Variants in HS3ST3B1 observed in about 807,000 individuals in gnomAD.
The protein encoded by HS3ST3B1 is heparan sulfate-glucosamine 3-sulfotransferase 3B1, also known as heparan sulfate glucosamine 3-O-sulfotransferase 3B1.
In HS3ST3B1, 13 loss-of-function variants were observed where a neutral mutation model predicts 21.3. The ratio of observed to expected loss-of-function variants is 0.61; its 90% CI spans 0.40 to 0.97. The LOEUF (loss-of-function observed/expected upper bound fraction) is 0.97. Among genes scored for constraint, HS3ST3B1 ranks in the 50% least tolerant of loss-of-function variants. HS3ST3B1 has a pLI of 0.00. For missense variants in HS3ST3B1, 459 were observed against 554.8 expected, an observed-to-expected ratio of 0.83 and a Z score of 1.73; for synonymous variants, 234 against 254.8, an observed-to-expected ratio of 0.92 and a Z score of 0.78.
At chr17:14,307,385 TG>T (rs547445805) in intron 1 of HS3ST3B1, among the ~76,000 whole-genome samples, 11 of 151,700 alleles carry the variant, frequency 7.3e-5, no homozygotes, top group African/African-American at 2.7e-4. Context: ...ACAGCTTCTG[TG>T]TTTCTAGTTT....
Position 14,301,639 on chromosome 17 carries a change from T to C in HS3ST3B1, c.121T>C (p.Cys41Arg), listed in dbSNP as rs1908929096. ...GCTCGCGCTGCTCTTCGCCATGCTCTGCGTCTGGCTCTATATGTTCCTGTA... is the reference window on the plus strand; with the variant it reads ...GCTCGCGCTGCTCTTCGCCATGCTCCGCGTCTGGCTCTATATGTTCCTGTA... The part of the protein sequence containing the change: ...RKLALLFAML[C>R]VWLYMFLYSC... The change falls in exon 1 of 2, where the codon TGC becomes CGC. Residue 41 changes from cysteine (C) to arginine (R), a missense_variant. Physicochemically the swap from Cys to Arg is radical, Grantham distance 180 (BLOSUM62 -3). Around this residue, in one of 3 missense-constraint regions of HS3ST3B1, gnomAD observed 317 missense variants for 278.6 expected, o/e 1.14. Transcript: ENST00000360954. The C allele has an allele frequency of 6.2e-7, 1 of 1,607,928 alleles. No individual in the cohort carries two copies. The highest frequency in any genetic ancestry group is 8.5e-7 in the Non-Finnish European group (1 of 1,178,766).
intron 1 of HS3ST3B1, 101 bp from the exon 2 acceptor site, chr17:14,344,927 C>G: frequency 6.8e-7 from 1 of 1,471,016 alleles, no homozygotes; most frequent in East Asian, 2.4e-5. Flanking sequence ...ACCACTGCTT[C>G]CAGAAATAAG....
chr17:14,329,902 G>A (rs1176927904), intron 1 of HS3ST3B1, among the ~76,000 whole-genome samples: 1 of 152,226 alleles, frequency 6.6e-6, no homozygotes, highest in African/African-American at 2.4e-5. Flanking sequence ...GGCACAAGTG[G>A]GATTCATCCC....
chr17:14,340,387 C>G (rs937957132), intron 1 of HS3ST3B1, among the ~76,000 whole-genome samples: 4 of 151,966 alleles, frequency 2.6e-5, no homozygotes, highest in East Asian at 3.9e-4. Flanking sequence ...CATGGCGCCT[C>G]GTAGTAAGTT....
intron 1 of HS3ST3B1, among the ~76,000 whole-genome samples, chr17:14,326,208 G>A (rs1439521917): frequency 1.3e-5 from 2 of 152,222 alleles, no homozygotes; most frequent in African/African-American, 2.4e-5. Flanking sequence ...ATCCACTGGA[G>A]AAACCACAGG....
intron 1 of HS3ST3B1, among the ~76,000 whole-genome samples, chr17:14,334,396 CA>C (rs1480194822): frequency 6.6e-6 from 1 of 151,790 alleles, no homozygotes; most frequent in Non-Finnish European, 1.5e-5. Context: ...GGCTGTAGTG[CA>C]GTGAATGTTC....
intron 1 of HS3ST3B1, among the ~76,000 whole-genome samples, chr17:14,340,096 C>T (rs1462337122): frequency 2.6e-5 from 4 of 152,184 alleles, no homozygotes; most frequent in Non-Finnish European, 5.9e-5. Context: ...TCACACACTT[C>T]TCAGGCCTGC....
At chr17:14,302,769 G>A (rs2142319920) in intron 1 of HS3ST3B1, among the ~76,000 whole-genome samples, 1 of 152,266 alleles carries the variant, frequency 6.6e-6, no homozygotes, top group East Asian at 1.9e-4. Flanking sequence ...CAACCGGCTG[G>A]AGCGGCGCGA....
intron 1 of HS3ST3B1, among the ~76,000 whole-genome samples, chr17:14,343,807 T>G (rs531789585): frequency 9.2e-5 from 14 of 152,336 alleles, no homozygotes; most frequent in African/African-American, 3.4e-4. Context: ...AATAGGAAAA[T>G]GCAGATATCT....
rs1909035265 is a variant in HS3ST3B1, at chr17:14,303,932, A to C, written c.554+1860A>C. 2 of 152,240 alleles carry C rather than the reference A, an allele frequency of 1.3e-5. No individual in the cohort carries two copies. Among genetic ancestry groups the C allele is most frequent in the African/African-American group, 2.4e-5 (1 of 41,452 alleles). The allele number at this position is 152,240 out of a possible 1,614,324, so 9.4% of individuals were successfully genotyped here. On this transcript the variant is annotated intron_variant, in intron 1 of 1. Coordinates refer to ENST00000360954, the MANE Select transcript of HS3ST3B1 (RefSeq NM_006041.3). This position sits in a 1 kb window ranked among gnomAD's most constrained non-coding sequence, Gnocchi z 5.7. The stretch of plus-strand genomic sequence containing the variant: ...GAACCCTTAATGTCAGGCGGTTTTG[A>C]AGCACCTGGGGCAAGCTATGGAAAT...
intron 1 of HS3ST3B1, among the ~76,000 whole-genome samples, chr17:14,322,838 C>T (rs1909698014): frequency 6.6e-6 from 1 of 152,132 alleles, no homozygotes; most frequent in African/African-American, 2.4e-5. Context: ...AATCTGGGCC[C>T]ACAGTTGCTC....
At chr17:14,337,512 AT>A (rs1910223837) in intron 1 of HS3ST3B1, among the ~76,000 whole-genome samples, 1 of 103,904 alleles carries the variant, frequency 9.6e-6, no homozygotes, top group Non-Finnish European at 2.1e-5. Flanking sequence ...TTTTTTTTGT[AT>A]TTTTAGTAGA....
chr17:14,313,113 T>TATATATATATAC (rs1555548211), intron 1 of HS3ST3B1, among the ~76,000 whole-genome samples: 12,332 of 123,052 alleles, frequency 0.1, 477 homozygotes, highest in East Asian at 0.22. Context: ...TGTGTGTATA[T>TATATATATATAC]ATATATATAT....
chr17:14,328,447 T>G (rs186533980), intron 1 of HS3ST3B1: 258 of 152,320 alleles, frequency 1.7e-3, no homozygotes, highest in African/African-American at 5.5e-3. Flanking sequence ...AGAATTCCAA[T>G]AAATCCACAA....
At chr17:14,318,645 G>A (rs1597591781) in intron 1 of HS3ST3B1, among the ~76,000 whole-genome samples, 1 of 152,200 alleles carries the variant, frequency 6.6e-6, no homozygotes, top group Non-Finnish European at 1.5e-5. Context: ...AGAGAAGAGA[G>A]GCTGAGAGGT....
chr17:14,338,587 T>A (rs750822023), intron 1 of HS3ST3B1, among the ~76,000 whole-genome samples: 1 of 151,592 alleles, frequency 6.6e-6, no homozygotes, highest in Non-Finnish European at 1.5e-5. Flanking sequence ...AGATTACAGG[T>A]GTGTGCCACT....
chr17:14,345,861 A>C lies in HS3ST3B1; in HGVS notation c.*215A>C. 1 of 550,700 alleles carries C rather than the reference A, an allele frequency of 1.8e-6. No homozygotes were observed. The highest frequency in any genetic ancestry group is 3.0e-6 in the Non-Finnish European group (1 of 332,488). 34.1% of individuals were successfully genotyped at this position (550,700 alleles called of 1,614,324 possible). On this transcript the variant is annotated 3_prime_UTR_variant, in exon 2 of 2. Transcript: ENST00000360954. ...TCTAGTATTTCGTTCTCTTCTTCAC[A>C]ATTGATGGTGCTTCTATTTTTTCTT...
In HS3ST3B1 at chr17:14,335,028, G is replaced by T. The variant is rs145283117; in HGVS notation, c.555-10000G>T. Among the ~76,000 whole-genome samples, 37 of 152,292 alleles carry T rather than the reference G, an allele frequency of 2.4e-4. No homozygotes were observed. In the East Asian group the frequency reaches 7.1e-3, roughly 29 times the overall value. ...CATTTTTGATTTGTGAATTCTCAGAGGCTGGACCTGGGCTTCCTGGAAGGT... is the reference window on the plus strand; with the variant it reads ...CATTTTTGATTTGTGAATTCTCAGATGCTGGACCTGGGCTTCCTGGAAGGT... On this transcript the variant is annotated intron_variant, in intron 1 of 1. Coordinates refer to ENST00000360954, the MANE Select transcript of HS3ST3B1 (RefSeq NM_006041.3).
chr17:14,309,331 C>G lies in HS3ST3B1; in HGVS notation c.554+7259C>G, dbSNP rs937292747. On this transcript the variant is annotated intron_variant, in intron 1 of 1. Transcript: ENST00000360954. ...CAGGGCTGGCAGCCGAGACTGGGGC[C>G]GCCTCCCCCGCCCCTAGGCTGGCCG... Among the ~76,000 whole-genome samples, 81 of 152,306 alleles carry G rather than the reference C, an allele frequency of 5.3e-4. 1 individual carries two copies. The Middle Eastern group carries it at 0.017, about 32-fold the overall frequency.
Sources: gnomAD v4.1 joint callset for allele counts (sites outside exome capture counted in the v4.1 genomes callset) on GRCh38, gnomAD v4.1.1 for gene constraint, gnomAD v4.1.1 regional missense constraint, Gnocchi (gnomAD v3.1) non-coding constraint, MANE v1.5 for transcripts, NCBI Gene and HGNC (gene_info 2026-07-23, HGNC 2026-07-21) for gene names.